Variants in KCNQ5 observed in about 807,000 individuals in gnomAD.
KCNQ5 encodes the protein potassium voltage-gated channel subfamily Q member 5.
In KCNQ5, 30 loss-of-function variants were observed where a neutral mutation model predicts 98.2. The ratio of observed to expected loss-of-function variants is 0.31; its 90% CI spans 0.23 to 0.41. The LOEUF (loss-of-function observed/expected upper bound fraction) is 0.41. Ranked by LOEUF, KCNQ5 falls within the 10% of genes least tolerant of loss-of-function variation. The pLI, the probability that KCNQ5 is intolerant of heterozygous loss-of-function variation, is 1.00. For synonymous variants in KCNQ5, 458 were observed against 449.4 expected, an observed-to-expected ratio of 1.02 and a Z score of -0.24; for missense variants, 835 against 1,182.5, an observed-to-expected ratio of 0.71 and a Z score of 4.31.
At chr6:72,801,046 C>G (rs1232320326) in intron 1 of KCNQ5, among the ~76,000 whole-genome samples, 6 of 148,762 alleles carry the variant, frequency 4.0e-5, no homozygotes, top group African/African-American at 1.3e-4. Flanking sequence ...TTACTTCCAA[C>G]TATGTGGTCA....
intron 1 of KCNQ5, among the ~76,000 whole-genome samples, chr6:72,929,322 C>G (rs778165324): frequency 4.0e-4 from 61 of 151,950 alleles, no homozygotes; most frequent in Admixed American, 1.3e-4. Flanking sequence ...AATTAAAGTT[C>G]GGTGGAATAA....
intron 1 of KCNQ5, among the ~76,000 whole-genome samples, chr6:72,772,759 T>C (rs1384749058): frequency 6.6e-6 from 1 of 152,176 alleles, no homozygotes; most frequent in Non-Finnish European, 1.5e-5. Flanking sequence ...TTTTAAAAAA[T>C]GTCACTGAAC....
intron 1 of KCNQ5, among the ~76,000 whole-genome samples, chr6:72,955,459 A>G (rs537428639): frequency 2.6e-5 from 4 of 152,206 alleles, no homozygotes; most frequent in African/African-American, 4.8e-5. Flanking sequence ...CTTTTAAATC[A>G]TTTTAAATTG....
intron 10 of KCNQ5, among the ~76,000 whole-genome samples, chr6:73,165,297 C>T (rs1053314488): frequency 6.6e-5 from 10 of 152,082 alleles, no homozygotes; most frequent in Non-Finnish European, 8.8e-5. Flanking sequence ...ACTGGGACTC[C>T]TGATAAAGTT....
chr6:72,901,632 T>A (rs1415180375), intron 1 of KCNQ5, among the ~76,000 whole-genome samples: 3 of 152,198 alleles, frequency 2.0e-5, no homozygotes, highest in African/African-American at 7.2e-5. Context: ...TGTTTTTGTT[T>A]GCTTTGTCAA....
chr6:73,157,466 G>C (rs1777410247), intron 10 of KCNQ5: 2 of 689,530 alleles, frequency 2.9e-6, no homozygotes, highest in Admixed American at 2.0e-5. Flanking sequence ...CGCCTGTCCC[G>C]GCACCACCAC....
intron 10 of KCNQ5, among the ~76,000 whole-genome samples, chr6:73,150,933 A>C (rs775887153): frequency 2.6e-5 from 4 of 151,822 alleles, no homozygotes; most frequent in Non-Finnish European, 5.9e-5. Flanking sequence ...GGGAGCTGGG[A>C]GGGAGGAGGT....
At chr6:72,794,347 GA>G (rs200338857) in intron 1 of KCNQ5, among the ~76,000 whole-genome samples, 3,848 of 134,206 alleles carry the variant, frequency 0.029, 55 homozygotes, top group South Asian at 0.068. Context: ...AGAGGAGAGA[GA>G]AAAAAAAAAA....
chr6:72,984,137 C>T (rs1223958148), intron 1 of KCNQ5, among the ~76,000 whole-genome samples: 1 of 152,192 alleles, frequency 6.6e-6, no homozygotes, highest in Non-Finnish European at 1.5e-5. Flanking sequence ...CTACTGGGAG[C>T]TGTCTCCCAG....
chr6:73,150,820 G>GTA (rs1554215756), intron 10 of KCNQ5, among the ~76,000 whole-genome samples: 1 of 78,214 alleles, frequency 1.3e-5, no homozygotes. Flanking sequence ...TGTGGGAAGT[G>GTA]TATATATATA....
Position 73,133,586 on chromosome 6 carries a change from C to T in KCNQ5, c.1413C>T (p.Thr471=), listed in dbSNP as rs2150457673. ...AGAGCTGGAGCTTCAACGACCGAAC[C>T]CGCTTCCGGCCCTCGCTGCGCCTCA... ...VQKSWSFNDR[T]RFRPSLRLKS... is the part of the protein sequence containing the mutation. The change falls in exon 10 of 14, where the codon ACC becomes ACT. Residue 471 remains threonine, a synonymous_variant. Transcript: ENST00000370398. 6.2e-7 allele frequency: 1 copy of T among 1,614,230 alleles called. No homozygotes were observed. Among genetic ancestry groups the T allele is most frequent in the Non-Finnish European group, 8.5e-7 (1 of 1,180,044 alleles).
intron 2 of KCNQ5, 80 bp downstream of exon 2, chr6:73,004,078 A>G (rs1769713785): frequency 1.3e-6 from 1 of 759,504 alleles, no homozygotes; most frequent in East Asian, 2.5e-5. Context: ...ATCTTATCCT[A>G]CAAAAAAATC....
chr6:72,663,125 C>T (rs114323688), intron 1 of KCNQ5, among the ~76,000 whole-genome samples: 2,012 of 151,792 alleles, frequency 0.013, 33 homozygotes, highest in African/African-American at 0.042. Flanking sequence ...CATTACACAC[C>T]GGGGACTGTC....
intron 1 of KCNQ5, among the ~76,000 whole-genome samples, chr6:72,951,673 G>A (rs1313602104): frequency 3.9e-5 from 6 of 152,008 alleles, no homozygotes; most frequent in Non-Finnish European, 5.9e-5. Flanking sequence ...ATATACCTGT[G>A]CTCAGTTTTT....
At chr6:72,916,777 C>A (rs1387559076) in intron 1 of KCNQ5, among the ~76,000 whole-genome samples, 2 of 152,184 alleles carry the variant, frequency 1.3e-5, no homozygotes, top group East Asian at 1.9e-4. Context: ...ATATACCCCC[C>A]CAAAAAAAGT....
chr6:73,133,400 T>A (rs1776319046), intron 9 of KCNQ5, 21 bp from the exon 10 acceptor site: 1 of 1,607,122 alleles, frequency 6.2e-7, no homozygotes, highest in African/African-American at 1.3e-5. Context: ...AATGGAATAA[T>A]CATGCCTCTG....
intron 1 of KCNQ5, among the ~76,000 whole-genome samples, chr6:72,922,627 T>C (rs2150218880): frequency 6.6e-6 from 1 of 152,268 alleles, no homozygotes; most frequent in African/African-American, 2.4e-5. Flanking sequence ...CTCAAATTTT[T>C]CAAATTCCAT....
At chr6:73,102,373 G>T (rs779807152) in intron 5 of KCNQ5, among the ~76,000 whole-genome samples, 15 of 152,120 alleles carry the variant, frequency 9.9e-5, no homozygotes, top group Middle Eastern at 6.8e-3. Flanking sequence ...GTCAACCAAG[G>T]CAAAAACGAA....
At chr6:72,757,344 A>G (rs568810045) in intron 1 of KCNQ5, among the ~76,000 whole-genome samples, 1 of 152,318 alleles carries the variant, frequency 6.6e-6, no homozygotes, top group East Asian at 1.9e-4. Context: ...GGCATCTTTA[A>G]AGGAAAATGT....
Sources: allele counts gnomAD v4.1 joint callset (sites outside exome capture counted in the v4.1 genomes callset), GRCh38; gene constraint gnomAD v4.1.1; transcripts MANE v1.5; gene names NCBI Gene and HGNC (gene_info 2026-07-23, HGNC 2026-07-21).